FREM2: variants seen among roughly 807,000 people sequenced by gnomAD.
FREM2 encodes FRAS1-related extracellular matrix protein 2.
In FREM2, 119 loss-of-function variants were observed where a neutral mutation model predicts 219.9. The ratio of observed to expected loss-of-function variants is 0.54; its 90% CI spans 0.47 to 0.63. FREM2 has a LOEUF of 0.63. Ranked by LOEUF, FREM2 falls within the 30% of genes least tolerant of loss-of-function variation. FREM2 has a pLI of 0.00. For synonymous variants in FREM2, 1,562 were observed against 1,522.8 expected (o/e 1.03, Z -0.60); for missense variants, 4,030 against 3,993.6 (o/e 1.01, Z -0.25).
chr13:38,722,592 A>T (rs1002834916), intron 2 of FREM2, among the ~76,000 whole-genome samples: 7 of 152,064 alleles, frequency 4.6e-5, no homozygotes, highest in Non-Finnish European at 7.4e-5. Flanking sequence ...ACACAGATTG[A>T]GGGGCCCCAC....
Position 38,690,767 on chromosome 13 carries a change from C to G in FREM2, c.3423C>G (p.Leu1141=). 1 of 1,614,108 alleles carries G rather than the reference C, an allele frequency of 6.2e-7. No homozygotes were observed. The highest frequency in any genetic ancestry group is 8.5e-7 in the Non-Finnish European group (1 of 1,179,996). ...TAAGTGCTTTCAACTTGAAAGATCT[C>G]AGGCAGGGCCACATAAACTATGTCC... ...IAISAFNLKD[L]RQGHINYVQS... Residue 1141 remains leucine (L), a synonymous_variant, in exon 1 of 24, where the codon CTC becomes CTG. Transcript: ENST00000280481.
intron 6 of FREM2, chr13:38,821,902 C>T (rs552545262): frequency 2.0e-5 from 3 of 152,216 alleles, no homozygotes; most frequent in African/African-American, 7.2e-5. Flanking sequence ...TCTCACTTGG[C>T]CTCAGGCTCC....
At chr13:38,818,537 G>A (rs1875861559) in intron 6 of FREM2, among the ~76,000 whole-genome samples, 1 of 152,042 alleles carries the variant, frequency 6.6e-6, no homozygotes, top group South Asian at 2.1e-4. Flanking sequence ...CAGAGATTGG[G>A]AAAAGGAGAA....
At chr13:38,722,193 A>C (rs1459382920) in intron 2 of FREM2, among the ~76,000 whole-genome samples, 3 of 151,776 alleles carry the variant, frequency 2.0e-5, no homozygotes, top group African/African-American at 7.3e-5. Flanking sequence ...ATTTATAGAG[A>C]TAGGGTCTAT....
chr13:38,829,553 G>A (rs562107512), intron 6 of FREM2, among the ~76,000 whole-genome samples: 3 of 151,098 alleles, frequency 2.0e-5, no homozygotes, highest in African/African-American at 4.8e-5. Context: ...ACATAAAATA[G>A]CATTTGGGGG....
chr13:38,726,968 T>C (rs1161995194), intron 2 of FREM2, among the ~76,000 whole-genome samples: 2 of 152,210 alleles, frequency 1.3e-5, no homozygotes, highest in East Asian at 3.8e-4. Context: ...ATTAAATTGG[T>C]TGAAATGAAA....
intron 11 of FREM2, among the ~76,000 whole-genome samples, chr13:38,855,708 A>G (rs1419367554): frequency 1.3e-5 from 2 of 152,002 alleles, no homozygotes; most frequent in Non-Finnish European, 2.9e-5. Context: ...CAATGATACA[A>G]TGAACTTTTG....
chr13:38,793,253 C>G (rs956664979), intron 6 of FREM2, among the ~76,000 whole-genome samples: 7 of 152,284 alleles, frequency 4.6e-5, no homozygotes, highest in African/African-American at 1.7e-4. Flanking sequence ...GATAAGTGAA[C>G]AGACAAGCAT....
In FREM2 at chr13:38,687,943, T is replaced by C. The variant is rs1224894774; in HGVS notation, c.599T>C (p.Leu200Pro). The change falls in exon 1 of 24, where the codon CTG becomes CCG. Residue 200 changes from leucine (L) to proline (P), a missense_variant. By Grantham distance (98) the Leu-to-Pro change is moderately conservative. Transcript: ENST00000280481. ...GAGCTGCTGGGGACCAGCAATGCCCTGGACGCGCGGAGCCTGGAGTTCGCC... is the reference window on the plus strand; with the variant it reads ...GAGCTGCTGGGGACCAGCAATGCCCCGGACGCGCGGAGCCTGGAGTTCGCC... ...VEELLGTSNA[L>P]DARSLEFAFQ... The C allele has an allele frequency of 1.9e-6, 3 of 1,607,488 alleles. No individual in the cohort carries two copies. Among genetic ancestry groups the C allele is most frequent in the Non-Finnish European group, 2.6e-6 (3 of 1,176,442 alleles).
chr13:38,709,956 C>T (rs1376626684), intron 2 of FREM2, among the ~76,000 whole-genome samples: 3 of 149,952 alleles, frequency 2.0e-5, no homozygotes, highest in African/African-American at 7.4e-5. Context: ...CCAGCCTGGC[C>T]AAACGGTGAA....
intron 2 of FREM2, among the ~76,000 whole-genome samples, chr13:38,729,073 G>A (rs1477394479): frequency 6.6e-6 from 1 of 152,198 alleles, no homozygotes; most frequent in Non-Finnish European, 1.5e-5. Flanking sequence ...GACCTCAGGT[G>A]ATCCGCCCAC....
chr13:38,704,424 T>C (rs771622706), intron 2 of FREM2, among the ~76,000 whole-genome samples: 10 of 152,192 alleles, frequency 6.6e-5, no homozygotes, highest in Non-Finnish European at 1.3e-4. Flanking sequence ...AAGGTGGTAT[T>C]TAAGTATAGA....
chr13:38,691,487 G>A lies in FREM2; in HGVS notation c.4143G>A (p.Gln1381=). Residue 1381 remains glutamine, a synonymous_variant, in exon 1 of 24, where the codon CAG becomes CAA. Coordinates refer to ENST00000280481, the MANE Select transcript of FREM2 (RefSeq NM_207361.6). ...TQDEVDRNLI[Q]YVHLGQEGIR... is the part of the protein sequence containing the mutation. Reference sequence around the variant, plus strand: ...ATGAAGTAGACAGAAACTTAATTCAGTATGTCCATTTGGGGCAAGAGGGCA... The same window carrying A: ...ATGAAGTAGACAGAAACTTAATTCAATATGTCCATTTGGGGCAAGAGGGCA... The A allele has an allele frequency of 1.2e-6, 2 of 1,614,116 alleles. No individual in the cohort carries two copies. Among genetic ancestry groups the A allele is most frequent in the Non-Finnish European group, 8.5e-7 (1 of 1,180,002 alleles).
chr13:38,832,873 C>T (rs1039798389), intron 6 of FREM2, among the ~76,000 whole-genome samples: 2 of 151,972 alleles, frequency 1.3e-5, no homozygotes, highest in African/African-American at 2.4e-5. Flanking sequence ...GGCAAAACCC[C>T]ATCTCTACAT....
chr13:38,875,657 A>G (rs1878315842), intron 18 of FREM2, among the ~76,000 whole-genome samples: 1 of 152,270 alleles, frequency 6.6e-6, no homozygotes, highest in Non-Finnish European at 1.5e-5. Context: ...ACTTCAGTGC[A>G]CAATAAATGC....
At chr13:38,861,262 C>T (rs11618634) in intron 14 of FREM2, among the ~76,000 whole-genome samples, 169 bp from the exon 15 acceptor site, 5,685 of 152,222 alleles carry the variant, frequency 0.037, 169 homozygotes, top group African/African-American at 0.081. Context: ...TACTTCTCAC[C>T]CTGTGGACTT....
intron 2 of FREM2, among the ~76,000 whole-genome samples, chr13:38,735,823 TC>T (rs968080371): frequency 1.3e-5 from 2 of 152,184 alleles, no homozygotes; most frequent in African/African-American, 4.8e-5. Flanking sequence ...GACTGTTTCC[TC>T]TGCCTCCCTA....
chr13:38,810,632 T>G lies in FREM2; in HGVS notation c.6019+25824T>G, dbSNP rs1453165218. Among the ~76,000 whole-genome samples, 3 of 152,138 alleles carry G rather than the reference T, an allele frequency of 2.0e-5. No individual in the cohort carries two copies. In the South Asian group the frequency reaches 6.2e-4, roughly 31 times the overall value. On this transcript the variant is annotated intron_variant, in intron 6 of 23. Coordinates refer to ENST00000280481, the MANE Select transcript of FREM2 (RefSeq NM_207361.6). ...GATGTAACACATTTATTGATTTGCA[T>G]ATGTTAAACCATCCTTGCATTCCTG...
chr13:38,741,015 G>A (rs1483949975), intron 2 of FREM2, among the ~76,000 whole-genome samples: 1 of 152,148 alleles, frequency 6.6e-6, no homozygotes, highest in Non-Finnish European at 1.5e-5. Flanking sequence ...AGTAATATTA[G>A]AGTATGTGTT....
Sources: gnomAD v4.1 joint callset for allele counts (sites outside exome capture counted in the v4.1 genomes callset) on GRCh38, gnomAD v4.1.1 for gene constraint, MANE v1.5 for transcripts, NCBI Gene and HGNC (gene_info 2026-07-23, HGNC 2026-07-21) for gene names.